The following VWA3B variants were observed in gnomAD, a reference collection of about 807,000 sequenced individuals.
VWA3B encodes von Willebrand factor A domain-containing protein 3B.
VWA3B carries 138 observed loss-of-function variants against 158.3 expected under a neutral mutation model. That is an observed-to-expected ratio of 0.87 (90% CI 0.76 to 1.00). The LOEUF (loss-of-function observed/expected upper bound fraction) is 1.00. VWA3B is among the 50% of genes least tolerant of loss of function. The probability of loss-of-function intolerance (pLI) is 0.00; values close to 1 mark genes in which losing one functional copy is unlikely to be tolerated. For missense variants in VWA3B, 1,555 were observed against 1,565.1 expected (o/e 0.99, Z 0.11); for synonymous variants, 596 against 587.3 (o/e 1.01, Z -0.21).
chr2:98,220,544 C>A (rs149587681), intron 14 of VWA3B, among the ~76,000 whole-genome samples: 1 of 152,076 alleles, frequency 6.6e-6, no homozygotes, highest in Non-Finnish European at 1.5e-5. Context: ...GACAGTGTGG[C>A]GATTCCTCAA....
At chr2:98,314,077 G>C (rs189763751), downstream of VWA3B, among the ~76,000 whole-genome samples, 5 of 152,340 alleles carry the variant, frequency 3.3e-5, no homozygotes, top group African/African-American at 1.2e-4. Context: ...AGATAAATGT[G>C]ATGAGCCCTG....
chr2:98,267,306 A>G (rs891608487), intron 21 of VWA3B, among the ~76,000 whole-genome samples: 2 of 149,504 alleles, frequency 1.3e-5, no homozygotes, highest in Non-Finnish European at 3.0e-5. Flanking sequence ...TGAGATAATC[A>G]TGTGGTTTTT....
rs540050450 is a variant in VWA3B at position 98,140,030 on chromosome 2, G to C, written c.988+6091G>C. The stretch of plus-strand genomic sequence containing the variant: ...AGGAACGAACAACTCCAGAAGCGCC[G>C]CCTTAAGAGCTGTAACACTCACCGT... On this transcript the variant is annotated intron_variant, in intron 7 of 27. Transcript: ENST00000477737. 1.5e-4 allele frequency among the ~76,000 whole-genome samples: 23 copies of C among 151,522 alleles called. 1 individual carries two copies. The highest frequency in any genetic ancestry group is 1.2e-4 in the African/African-American group (5 of 41,230).
intron 9 of VWA3B, 71 bp from the exon 10 acceptor site, chr2:98,187,904 T>C: frequency 3.4e-6 from 5 of 1,470,506 alleles, no homozygotes; most frequent in Non-Finnish European, 4.5e-6. Context: ...CGACAGAGCT[T>C]AAGGTGCCAT....
chr2:98,292,605 A>T (rs1243234622), intron 23 of VWA3B, among the ~76,000 whole-genome samples: 4 of 152,082 alleles, frequency 2.6e-5, no homozygotes, highest in Admixed American at 6.5e-5. Flanking sequence ...CTGCTTGAGA[A>T]ATTTTGATTT....
intron 13 of VWA3B, chr2:98,216,703 A>C (rs62156665): frequency 0.052 from 24,696 of 471,794 alleles, 885 homozygotes; most frequent in Non-Finnish European, 0.075. Flanking sequence ...GGCTGACAGC[A>C]GCTCCTGGCA....
intron 26 of VWA3B, among the ~76,000 whole-genome samples, chr2:98,310,777 G>A (rs1288436106): frequency 6.6e-6 from 1 of 152,144 alleles, no homozygotes; most frequent in East Asian, 1.9e-4. Context: ...TTTTGTCTGT[G>A]GCCTCCCAGA....
intron 9 of VWA3B, among the ~76,000 whole-genome samples, chr2:98,181,893 G>A (rs998308479): frequency 6.6e-6 from 1 of 152,198 alleles, no homozygotes. Flanking sequence ...TAACACTGCT[G>A]GTCCAGGGGC....
At chr2:98,289,487 C>T (rs1276015138) in intron 22 of VWA3B, among the ~76,000 whole-genome samples, 1 of 152,190 alleles carries the variant, frequency 6.6e-6, no homozygotes, top group Non-Finnish European at 1.5e-5. Flanking sequence ...ACTTTGAAAG[C>T]TCTACCCCAC....
chr2:98,212,134 C>A, intron 13 of VWA3B, 106 bp downstream of exon 13: 1 of 875,528 alleles, frequency 1.1e-6, no homozygotes, highest in Non-Finnish European at 1.8e-6. Flanking sequence ...AATCTGTGGA[C>A]ATATACTTCC....
intron 21 of VWA3B, among the ~76,000 whole-genome samples, chr2:98,270,371 G>GA (rs908842110): frequency 6.0e-5 from 9 of 151,044 alleles, no homozygotes; most frequent in Non-Finnish European, 7.4e-5. Context: ...CAAATACGGA[G>GA]AAAAAAAAAT....
chr2:98,283,942 T>A (rs1475059820), intron 22 of VWA3B, among the ~76,000 whole-genome samples: 2 of 152,214 alleles, frequency 1.3e-5, no homozygotes, highest in Non-Finnish European at 2.9e-5. Context: ...CAGTAGGCCA[T>A]TTTGAACCTT....
At chr2:98,138,304 C>G (rs1305169766) in intron 7 of VWA3B, among the ~76,000 whole-genome samples, 1 of 152,186 alleles carries the variant, frequency 6.6e-6, no homozygotes, top group Non-Finnish European at 1.5e-5. Flanking sequence ...GTTGAGGCAT[C>G]TGCTGCAGCA....
chr2:98,170,859 C>G (rs1679525038), intron 8 of VWA3B, among the ~76,000 whole-genome samples: 1 of 152,172 alleles, frequency 6.6e-6, no homozygotes, highest in African/African-American at 2.4e-5. Flanking sequence ...CCTGCCTCAG[C>G]CTCCCAAAGT....
chr2:98,165,607 C>T (rs1679002092), intron 8 of VWA3B, among the ~76,000 whole-genome samples: 1 of 151,974 alleles, frequency 6.6e-6, no homozygotes, highest in Non-Finnish European at 1.5e-5. Flanking sequence ...GGGATGGGGA[C>T]TTGTGTAGAG....
intron 7 of VWA3B, among the ~76,000 whole-genome samples, chr2:98,136,083 A>C (rs1449521320): frequency 6.6e-6 from 1 of 152,168 alleles, no homozygotes; most frequent in African/African-American, 2.4e-5. Flanking sequence ...CTTTTCTGGC[A>C]ATGTGAAGGA....
At chr2:98,168,251 T>G (rs1196626725) in intron 8 of VWA3B, among the ~76,000 whole-genome samples, 1 of 152,158 alleles carries the variant, frequency 6.6e-6, no homozygotes, top group Non-Finnish European at 1.5e-5. Flanking sequence ...AAGTTTGGTG[T>G]AGTTAGTCTT....
intron 22 of VWA3B, among the ~76,000 whole-genome samples, chr2:98,289,055 C>G (rs1188283502): frequency 1.3e-5 from 2 of 152,154 alleles, no homozygotes; most frequent in East Asian, 3.8e-4. Context: ...AGTCACAGTT[C>G]AGGAGTATAT....
intron 5 of VWA3B, chr2:98,121,916 C>G (rs1675001832): frequency 6.4e-6 from 1 of 156,194 alleles, no homozygotes; most frequent in Non-Finnish European, 1.4e-5. Context: ...TAAGGTTTTC[C>G]CAGCATCCAT....
Sources: gnomAD v4.1 joint callset for allele counts (sites outside exome capture counted in the v4.1 genomes callset) on GRCh38, gnomAD v4.1.1 for gene constraint, MANE v1.5 for transcripts, NCBI Gene and HGNC (gene_info 2026-07-23, HGNC 2026-07-21) for gene names.